Variants in PRDM16 observed in about 807,000 individuals in gnomAD.
PRDM16 encodes the protein histone-lysine N-methyltransferase PRDM16.
A neutral mutation model predicts 110.6 loss-of-function variants in PRDM16; 23 were observed. The ratio of observed to expected loss-of-function variants is 0.21; its 90% CI spans 0.15 to 0.29. The LOEUF is 0.29. Among genes scored for constraint, PRDM16 ranks in the 10% least tolerant of loss-of-function variants. PRDM16 has a pLI of 1.00. For missense variants in PRDM16, 1,615 were observed against 1,794.3 expected, an observed-to-expected ratio of 0.90 and a Z score of 1.81; for synonymous variants, 799 against 781.8, an observed-to-expected ratio of 1.02 and a Z score of -0.37.
intron 3 of PRDM16, among the ~76,000 whole-genome samples, chr1:3,322,110 T>C (rs1371623566): frequency 6.6e-6 from 1 of 150,972 alleles, no homozygotes; most frequent in Non-Finnish European, 1.5e-5. Context: ...CTCTGTGTGA[T>C]TGTGATATGC....
chr1:3,097,777 A>G (rs1034130892), intron 1 of PRDM16, among the ~76,000 whole-genome samples: 1 of 152,122 alleles, frequency 6.6e-6, no homozygotes, highest in Admixed American at 6.5e-5. Context: ...AGGGGGCGGG[A>G]GGCAGCGCCT....
chr1:3,318,908 C>T (rs554356119), intron 3 of PRDM16, among the ~76,000 whole-genome samples: 11 of 152,326 alleles, frequency 7.2e-5, no homozygotes, highest in Non-Finnish European at 1.5e-4. Flanking sequence ...AGGAAAAGCG[C>T]AACTGTGAGT....
intron 8 of PRDM16, among the ~76,000 whole-genome samples, chr1:3,407,509 G>A (rs2100651199): frequency 6.6e-6 from 1 of 152,330 alleles, no homozygotes; most frequent in Non-Finnish European, 1.5e-5. Flanking sequence ...GAGCTGGGCA[G>A]GAGTCAGGGG....
intron 2 of PRDM16, among the ~76,000 whole-genome samples, chr1:3,212,671 T>TA (rs1557532738): frequency 2.2e-4 from 33 of 152,194 alleles, no homozygotes; most frequent in African/African-American, 7.7e-4. Flanking sequence ...CCGCTCATCC[T>TA]CCCGGCCCCC....
intron 2 of PRDM16, among the ~76,000 whole-genome samples, chr1:3,187,062 T>C (rs1644277724): frequency 6.6e-6 from 1 of 152,228 alleles, no homozygotes; most frequent in African/African-American, 2.4e-5. Flanking sequence ...GGTCTGAAGC[T>C]GGCCTGGTGA....
At position 3,186,100 on chromosome 1, in the gene PRDM16, G is replaced by A. The variant is rs776309279; in HGVS notation, c.38-25G>A. On this transcript the variant is annotated intron_variant, in intron 1 of 16. Transcript: ENST00000270722. ...ACTGGGTGGGGCACGTGCTGCAGAG[G>A]TTGACGCTGCGTTGTCTCCTTTAGG... is the stretch of plus-strand genomic sequence containing the variant. 3 of 1,585,670 alleles carry A rather than the reference G, an allele frequency of 1.9e-6. No homozygotes were observed. The South Asian group carries it at 3.3e-5, about 18-fold the overall frequency.
intron 3 of PRDM16, among the ~76,000 whole-genome samples, chr1:3,317,482 G>A (rs149713866): frequency 5.3e-5 from 8 of 152,348 alleles, no homozygotes; most frequent in South Asian, 2.1e-4. Flanking sequence ...GCATGAGGCC[G>A]TCGGAAGTCT....
In PRDM16 at chr1:3,345,469, C is replaced by A. The variant is rs562375816; in HGVS notation, c.439-39683C>A. On this transcript the variant is annotated intron_variant, in intron 3 of 16. Coordinates refer to ENST00000270722, the MANE Select transcript of PRDM16 (RefSeq NM_022114.4). ...CTGTGGCCTCATTCTGTCATCCTTG[C>A]CATAGCCCTAGGAAGTGGCTAGCAC... Among the ~76,000 whole-genome samples, 3 of 152,304 alleles carry A rather than the reference C, an allele frequency of 2.0e-5. No individual in the cohort carries two copies. In the East Asian group the frequency reaches 5.8e-4, roughly 29 times the overall value.
intron 2 of PRDM16, among the ~76,000 whole-genome samples, chr1:3,240,207 G>T (rs1260132372): frequency 2.0e-5 from 3 of 151,930 alleles, no homozygotes; most frequent in African/African-American, 7.3e-5. Context: ...GATTGCTGGA[G>T]TCCAGGAGTC....
intron 3 of PRDM16, among the ~76,000 whole-genome samples, chr1:3,377,271 G>A (rs1271559288): frequency 2.0e-5 from 3 of 152,150 alleles, no homozygotes; most frequent in East Asian, 1.9e-4. Context: ...AGACGGGACC[G>A]AGAGGGCAGC....
chr1:3,181,088 C>CCTTACACGCGGT (rs1644156469), intron 1 of PRDM16, among the ~76,000 whole-genome samples: 3 of 66,794 alleles, frequency 4.5e-5, no homozygotes, highest in Non-Finnish European at 1.0e-4. Context: ...TTACACACGG[C>CCTTACACGCGGT]CTTACACACG....
intron 2 of PRDM16, among the ~76,000 whole-genome samples, chr1:3,231,708 A>G (rs1295097569): frequency 6.6e-6 from 1 of 152,254 alleles, no homozygotes; most frequent in Non-Finnish European, 1.5e-5. Context: ...ACGTCTGCCC[A>G]CATCTCAGCA....
intron 2 of PRDM16, among the ~76,000 whole-genome samples, chr1:3,199,772 C>A (rs1286251723): frequency 3.3e-5 from 5 of 152,176 alleles, no homozygotes; most frequent in African/African-American, 1.2e-4. Flanking sequence ...CGGGACAGGA[C>A]GCCACTCTGC....
intron 3 of PRDM16, among the ~76,000 whole-genome samples, chr1:3,349,508 T>G (rs1642436959): frequency 1.3e-5 from 2 of 152,180 alleles, no homozygotes; most frequent in Non-Finnish European, 2.9e-5. Flanking sequence ...CCCATGGGGC[T>G]TGGCTCCGAG....
At chr1:3,211,748 A>G (rs1038640382) in intron 2 of PRDM16, among the ~76,000 whole-genome samples, 14 of 152,334 alleles carry the variant, frequency 9.2e-5, no homozygotes, top group African/African-American at 3.4e-4. Flanking sequence ...AGGAGAATAA[A>G]TGTGCACGGA....
chr1:3,411,925 G>A lies in PRDM16; in HGVS notation c.1728G>A (p.Glu576=), dbSNP rs1347852489. Residue 576 remains glutamate, a synonymous_variant, in exon 9 of 17, where the codon GAG becomes GAA. Coordinates refer to ENST00000270722, the MANE Select transcript of PRDM16 (RefSeq NM_022114.4). ...SQGTTAAAGP[E]EKFESRLEDS... is the part of the protein sequence containing the mutation. ...GCACGACGGCAGCTGCGGGGCCCGA[G>A]GAGAAGTTCGAGAGCCGCCTGGAGG... The A allele has an allele frequency of 6.2e-7, 1 of 1,613,704 alleles. No homozygotes were observed. The highest frequency in any genetic ancestry group is 2.2e-5 in the East Asian group (1 of 44,846).
chr1:3,423,032 G>T (rs1191130860), intron 12 of PRDM16, among the ~76,000 whole-genome samples: 1 of 152,234 alleles, frequency 6.6e-6, no homozygotes, highest in Non-Finnish European at 1.5e-5. Flanking sequence ...CCTGTCTACT[G>T]TTGAAGAGGC....
intron 1 of PRDM16, among the ~76,000 whole-genome samples, chr1:3,176,382 G>T (rs1644090822): frequency 1.4e-5 from 2 of 143,268 alleles, no homozygotes; most frequent in South Asian, 4.6e-4. Flanking sequence ...CCTTGAGGTG[G>T]CCTTTGGGGA....
At chr1:3,367,976 A>G (rs1307660929) in intron 3 of PRDM16, among the ~76,000 whole-genome samples, 1 of 152,240 alleles carries the variant, frequency 6.6e-6, no homozygotes, top group African/African-American at 2.4e-5. Context: ...GTAAAAGTAA[A>G]GTCATCATCT....
Sources: allele counts gnomAD v4.1 joint callset (sites outside exome capture counted in the v4.1 genomes callset), GRCh38; gene constraint gnomAD v4.1.1; transcripts MANE v1.5; gene names NCBI Gene and HGNC (gene_info 2026-07-23, HGNC 2026-07-21).